Variants in HCRTR2 observed in about 807,000 individuals in gnomAD.
HCRTR2 encodes hypocretin receptor 2.
A neutral mutation model predicts 49.0 loss-of-function variants in HCRTR2; 22 were observed. The ratio of observed to expected loss-of-function variants is 0.45; its 90% confidence interval spans 0.32 to 0.64. HCRTR2 has a LOEUF of 0.64. HCRTR2 is among the 30% of genes least tolerant of loss of function. HCRTR2 has a pLI of 0.04. For synonymous variants in HCRTR2, 236 were observed against 205.3 expected (o/e 1.15, Z -1.28); for missense variants, 491 against 559.4 (o/e 0.88, Z 1.23).
At chr6:55,244,690 T>C (rs926099820) in intron 1 of HCRTR2, among the ~76,000 whole-genome samples, 2 of 152,070 alleles carry the variant, frequency 1.3e-5, no homozygotes, top group African/African-American at 2.4e-5. Context: ...AATGTTTGTG[T>C]AACACAAATT....
At chr6:55,186,355 G>T (rs3884582) in intron 1 of HCRTR2, among the ~76,000 whole-genome samples, 33,125 of 151,918 alleles carry the variant, frequency 0.22, 3,763 homozygotes, top group Admixed American at 0.3. Flanking sequence ...AATTGCTTTT[G>T]TGATTATTTT....
At chr6:55,280,032 G>T (rs769088030) in intron 5 of HCRTR2, among the ~76,000 whole-genome samples, 14 of 152,214 alleles carry the variant, frequency 9.2e-5, no homozygotes, top group South Asian at 6.2e-4. Context: ...AAATAAAGAA[G>T]ATATATATTC....
intron 1 of HCRTR2, among the ~76,000 whole-genome samples, chr6:55,120,420 CT>C (rs1320341290): frequency 6.6e-6 from 1 of 152,002 alleles, no homozygotes; most frequent in African/African-American, 2.4e-5. Flanking sequence ...TTTGTGCCCT[CT>C]CTTAATTCCT....
chr6:55,263,648 CT>C, intron 3 of HCRTR2, 58 bp from the exon 4 acceptor site: 2 of 876,900 alleles, frequency 2.3e-6, no homozygotes, highest in Non-Finnish European at 1.9e-6. Context: ...TGACATGTAT[CT>C]TTTTTAAAAG....
chr6:55,136,542 G>A (rs6920541), intron 1 of HCRTR2, among the ~76,000 whole-genome samples: 46,711 of 151,990 alleles, frequency 0.31, 9,284 homozygotes, highest in East Asian at 0.79. Flanking sequence ...ATAACTCTGC[G>A]TACACTGTGT....
intron 1 of HCRTR2, among the ~76,000 whole-genome samples, chr6:55,175,029 A>C (rs1381263829): frequency 6.6e-6 from 1 of 152,180 alleles, no homozygotes; most frequent in Non-Finnish European, 1.5e-5. Flanking sequence ...TTTTGCAGGA[A>C]TAACGGGGAA....
At chr6:55,189,185 C>G (rs1042070753) in intron 1 of HCRTR2, among the ~76,000 whole-genome samples, 1 of 152,098 alleles carries the variant, frequency 6.6e-6, no homozygotes, top group Admixed American at 6.5e-5. Flanking sequence ...TTGGATTAAA[C>G]ATGTTTTGCA....
chr6:55,226,110 T>C (rs1354935311), intron 1 of HCRTR2, among the ~76,000 whole-genome samples: 1 of 152,232 alleles, frequency 6.6e-6, no homozygotes, highest in Non-Finnish European at 1.5e-5. Context: ...TTTTATAAAA[T>C]GTCACCAACT....
intron 1 of HCRTR2, among the ~76,000 whole-genome samples, chr6:55,247,543 A>G (rs1766469633): frequency 6.6e-6 from 1 of 152,134 alleles, no homozygotes; most frequent in Admixed American, 6.6e-5. Flanking sequence ...GACAGCTCTG[A>G]CAGGTTTGTG....
intron 1 of HCRTR2, among the ~76,000 whole-genome samples, chr6:55,191,106 T>C (rs893806674): frequency 6.6e-6 from 1 of 152,044 alleles, no homozygotes; most frequent in Non-Finnish European, 1.5e-5. Context: ...TTAGGGGCAA[T>C]GAAGGAAGGA....
rs183693315 is a variant in HCRTR2, at chr6:55,182,552, G to T, written c.223+7742G>T. Among the ~76,000 whole-genome samples, 7 of 152,238 alleles carry T rather than the reference G, an allele frequency of 4.6e-5. No individual in the cohort carries two copies. In the East Asian group the frequency reaches 1.4e-3, roughly 30 times the overall value. ...CTTGGAAGCAAATCCTTCAGACCAG[G>T]TTGAGTCTTGAGGTGACTACAACAG... On this transcript the variant is annotated intron_variant, in intron 1 of 6. Coordinates refer to ENST00000370862, the MANE Select transcript of HCRTR2 (RefSeq NM_001384272.1).
intron 1 of HCRTR2, among the ~76,000 whole-genome samples, chr6:55,230,054 C>T (rs1304046077): frequency 6.6e-6 from 1 of 152,104 alleles, no homozygotes; most frequent in Non-Finnish European, 1.5e-5. Context: ...GTACCTGGAG[C>T]TCTCTGACTG....
intron 1 of HCRTR2, among the ~76,000 whole-genome samples, chr6:55,147,563 A>C (rs1368898843): frequency 6.6e-6 from 1 of 152,188 alleles, no homozygotes; most frequent in Non-Finnish European, 1.5e-5. Context: ...TAAGTGACAC[A>C]ACCAGCAAGA....
chr6:55,271,188 C>T (rs1035997072), intron 4 of HCRTR2, among the ~76,000 whole-genome samples: 2 of 152,212 alleles, frequency 1.3e-5, no homozygotes, highest in Non-Finnish European at 2.9e-5. Flanking sequence ...TACTTCCATA[C>T]AGTTAGTCAT....
chr6:55,133,671 AT>A (rs1428382312), intron 1 of HCRTR2, among the ~76,000 whole-genome samples: 5 of 94,734 alleles, frequency 5.3e-5, no homozygotes, highest in Non-Finnish European at 1.1e-4. Flanking sequence ...TCATCTATCT[AT>A]CTATCTATCT....
At chr6:55,181,462 TA>T (rs1408329003) in intron 1 of HCRTR2, among the ~76,000 whole-genome samples, 1 of 152,206 alleles carries the variant, frequency 6.6e-6, no homozygotes, top group Non-Finnish European at 1.5e-5. Flanking sequence ...TCTTTATTTC[TA>T]AAAAATGTTT....
Position 55,235,041 on chromosome 6 carries a change from A to G in HCRTR2, c.224-13598A>G, listed in dbSNP as rs113045874. On this transcript the variant is annotated intron_variant, in intron 1 of 6. Coordinates refer to ENST00000370862, the MANE Select transcript of HCRTR2 (RefSeq NM_001384272.1). ...CTAAACATACAACCTGGATCTTACAAACATAATCATAAGTGAAAGAAATTA... is the reference window on the plus strand; with the variant it reads ...CTAAACATACAACCTGGATCTTACAGACATAATCATAAGTGAAAGAAATTA... Among the ~76,000 whole-genome samples, 78 of 152,302 alleles carry G rather than the reference A, an allele frequency of 5.1e-4. 1 individual carries two copies. Among genetic ancestry groups the G allele is most frequent in the African/African-American group, 1.8e-3 (74 of 41,580 alleles).
chr6:55,238,899 A>G (rs1406111755), intron 1 of HCRTR2, among the ~76,000 whole-genome samples: 2 of 152,214 alleles, frequency 1.3e-5, no homozygotes, highest in African/African-American at 2.4e-5. Context: ...GATGAACAGA[A>G]GTCAAATGTC....
At chr6:55,174,890 C>T in intron 1 of HCRTR2, 80 bp downstream of exon 1, 2 of 1,083,744 alleles carry the variant, frequency 1.8e-6, no homozygotes, top group Non-Finnish European at 2.9e-6. Context: ...AAAGAGACCC[C>T]TCCCTCCCCC....
Sources: allele counts gnomAD v4.1 joint callset (sites outside exome capture counted in the v4.1 genomes callset), GRCh38; gene constraint gnomAD v4.1.1; transcripts MANE v1.5; gene names NCBI Gene and HGNC (gene_info 2026-07-23, HGNC 2026-07-21).